The following SDK1 variants were observed in gnomAD, a reference collection of about 807,000 sequenced individuals.
SDK1 encodes protein sidekick-1.
A neutral mutation model predicts 245.5 loss-of-function variants in SDK1; 157 were observed. That is an observed-to-expected ratio of 0.64 (90% CI 0.56 to 0.73). SDK1 has a LOEUF of 0.73. Ranked by LOEUF, SDK1 falls within the 30% of genes least tolerant of loss-of-function variation. The pLI is 0.00. For synonymous variants in SDK1, 1,647 were observed against 1,278.5 expected, an observed-to-expected ratio of 1.29 and a Z score of -6.15; for missense variants, 3,583 against 3,002.3, an observed-to-expected ratio of 1.19 and a Z score of -4.52.
At chr7:3,420,302 G>A (rs1779501668) in intron 1 of SDK1, among the ~76,000 whole-genome samples, 1 of 152,232 alleles carries the variant, frequency 6.6e-6, no homozygotes, top group African/African-American at 2.4e-5. Flanking sequence ...AAGGTTAGAT[G>A]CAATAGCATT....
At chr7:3,827,377 A>G (rs1032555582) in intron 5 of SDK1, among the ~76,000 whole-genome samples, 1 of 151,624 alleles carries the variant, frequency 6.6e-6, no homozygotes, top group Middle Eastern at 3.4e-3. Context: ...TCCGAACGAG[A>G]TGGAAGGCTC....
At chr7:3,644,095 G>A (rs1782743390) in intron 4 of SDK1, among the ~76,000 whole-genome samples, 1 of 150,700 alleles carries the variant, frequency 6.6e-6, no homozygotes, top group African/African-American at 2.4e-5. Flanking sequence ...CAGAGGTGAG[G>A]TTTTACCATG....
At chr7:3,600,380 T>C (rs1378414744) in intron 1 of SDK1, among the ~76,000 whole-genome samples, 1 of 152,054 alleles carries the variant, frequency 6.6e-6, no homozygotes, top group East Asian at 1.9e-4. Context: ...ATAATAACAA[T>C]TTTAGTTCTT....
intron 1 of SDK1, among the ~76,000 whole-genome samples, chr7:3,599,787 C>T (rs976795597): frequency 1.3e-5 from 2 of 152,168 alleles, no homozygotes; most frequent in African/African-American, 4.8e-5. Flanking sequence ...TTTGCCAGCT[C>T]TCTATTTTAT....
chr7:4,247,495 G>A (rs1443102703), intron 44 of SDK1, among the ~76,000 whole-genome samples: 2 of 152,236 alleles, frequency 1.3e-5, no homozygotes, highest in Non-Finnish European at 2.9e-5. Flanking sequence ...TCAGAAGCTC[G>A]CTGCATGTAC....
intron 17 of SDK1, among the ~76,000 whole-genome samples, chr7:4,022,678 C>T (rs574386354): frequency 6.6e-6 from 1 of 152,062 alleles, no homozygotes; most frequent in African/African-American, 2.4e-5. Context: ...TTCCAGGCAA[C>T]TCCTTAAGGA....
intron 1 of SDK1, among the ~76,000 whole-genome samples, chr7:3,464,258 T>C (rs1322607488): frequency 2.6e-5 from 4 of 152,184 alleles, no homozygotes; most frequent in African/African-American, 9.7e-5. Flanking sequence ...GCATGGTGGC[T>C]CACGCCTATA....
chr7:3,772,454 A>G (rs368563296), intron 4 of SDK1, among the ~76,000 whole-genome samples: 14 of 152,210 alleles, frequency 9.2e-5, no homozygotes, highest in African/African-American at 1.2e-4. Context: ...AAAAACATCA[A>G]TAATTTTTAA....
intron 22 of SDK1, among the ~76,000 whole-genome samples, chr7:4,101,382 C>G (rs969979132): frequency 1.6e-4 from 24 of 152,284 alleles, no homozygotes; most frequent in African/African-American, 5.5e-4. Context: ...CTCCTGACCT[C>G]ATGATCCACC....
chr7:3,500,139 T>C (rs1782152111), intron 1 of SDK1, among the ~76,000 whole-genome samples: 1 of 152,164 alleles, frequency 6.6e-6, no homozygotes, highest in South Asian at 2.1e-4. Context: ...AACTTGTCTA[T>C]CGAGTCACAT....
chr7:3,553,479 A>G (rs1228086292), intron 1 of SDK1, among the ~76,000 whole-genome samples: 1 of 152,098 alleles, frequency 6.6e-6, no homozygotes. Context: ...GGACTAAAGG[A>G]CTGACACAAT....
Position 4,013,945 on chromosome 7 carries a change from G to T in SDK1, c.2420+1710G>T, listed in dbSNP as rs1050185844. Among the ~76,000 whole-genome samples the T allele has an allele frequency of 2.0e-5, 3 of 152,240 alleles. No homozygotes were observed. The East Asian group carries it at 5.8e-4, about 29-fold the overall frequency. On this transcript the variant is annotated intron_variant, in intron 16 of 44. Coordinates refer to ENST00000404826, the MANE Select transcript of SDK1 (RefSeq NM_152744.4). ...CCCCTGGGACAGTTCCTAATTGCCT[G>T]ACCACCTCCGCTCCAGAAAACAGCC...
At chr7:3,302,670 C>G (rs1456979954) in intron 1 of SDK1, among the ~76,000 whole-genome samples, 1 of 142,122 alleles carries the variant, frequency 7.0e-6, no homozygotes, top group East Asian at 2.4e-4. Context: ...GCATCGTTTT[C>G]TTTTGAAGTT....
In SDK1 at chr7:3,822,830, G is replaced by C. The variant is rs1779679226; in HGVS notation, c.847+1247G>C. 2.0e-5 allele frequency among the ~76,000 whole-genome samples: 3 copies of C among 151,992 alleles called. No individual in the cohort carries two copies. In the South Asian group the frequency reaches 6.2e-4, roughly 32 times the overall value. On this transcript the variant is annotated intron_variant, in intron 5 of 44. Coordinates refer to ENST00000404826, the MANE Select transcript of SDK1 (RefSeq NM_152744.4). ...GGAGTGATAGTATTTGCCTGACATGGCCCTCGAGGGGTACAATTGCCTTAG... is the reference window on the plus strand; with the variant it reads ...GGAGTGATAGTATTTGCCTGACATGCCCCTCGAGGGGTACAATTGCCTTAG...
chr7:3,818,597 C>G (rs556058523), intron 4 of SDK1, among the ~76,000 whole-genome samples: 4 of 152,176 alleles, frequency 2.6e-5, no homozygotes, highest in African/African-American at 9.7e-5. Context: ...ATCGCATGTG[C>G]TGTTGTGAAT....
intron 4 of SDK1, among the ~76,000 whole-genome samples, chr7:3,772,831 TTTCCTAGCTGTAGGA>T (rs1365576858): frequency 2.0e-5 from 3 of 152,212 alleles, no homozygotes; most frequent in African/African-American, 7.2e-5. Flanking sequence ...GAAGTCCCAT[TTTCCTAGCTGTAGGA>T]TTCTTGGTTA....
intron 22 of SDK1, among the ~76,000 whole-genome samples, chr7:4,101,579 G>A (rs1782549733): frequency 6.6e-6 from 1 of 152,240 alleles, no homozygotes; most frequent in East Asian, 1.9e-4. Context: ...ACCCCACCAT[G>A]TGCAGCAGGG....
intron 1 of SDK1, among the ~76,000 whole-genome samples, chr7:3,594,154 A>G (rs890510026): frequency 1.3e-5 from 2 of 152,170 alleles, no homozygotes; most frequent in African/African-American, 2.4e-5. Flanking sequence ...TCACTCACCT[A>G]CTTTGTATAG....
intron 1 of SDK1, among the ~76,000 whole-genome samples, chr7:3,595,842 A>C (rs1446264463): frequency 6.7e-6 from 1 of 149,736 alleles, no homozygotes; most frequent in Non-Finnish European, 1.5e-5. Flanking sequence ...AAAAAAAAAA[A>C]AAAAAAAAAA....
Sources: gnomAD v4.1 joint callset for allele counts (sites outside exome capture counted in the v4.1 genomes callset) on GRCh38, gnomAD v4.1.1 for gene constraint, MANE v1.5 for transcripts, NCBI Gene and HGNC (gene_info 2026-07-23, HGNC 2026-07-21) for gene names.